BARD1: variants seen among roughly 807,000 people sequenced by gnomAD.
The protein encoded by BARD1 is BRCA1-associated RING domain protein 1.
In BARD1, 73 loss-of-function variants were observed where a neutral mutation model predicts 77.0. The ratio of observed to expected loss-of-function variants is 0.95; its 90% confidence interval spans 0.79 to 1.15. The LOEUF (loss-of-function observed/expected upper bound fraction) is 1.15, where lower values mean the gene tolerates loss of function less well. BARD1 is among the 50% of genes most tolerant of loss of function. The pLI is 0.00. For missense variants in BARD1, 993 were observed against 938.8 expected (o/e 1.06, Z -0.75); for synonymous variants, 384 against 338.0 (o/e 1.14, Z -1.49).
chr2:214,736,324 G>A (rs936563248), intron 9 of BARD1, among the ~76,000 whole-genome samples: 8 of 152,054 alleles, frequency 5.3e-5, no homozygotes, highest in African/African-American at 1.9e-4. Context: ...CAGGAATCCA[G>A]TGAAATGGTT....
chr2:214,805,750 T>TC (rs1306027368), intron 1 of BARD1, among the ~76,000 whole-genome samples: 1 of 151,354 alleles, frequency 6.6e-6, no homozygotes, highest in Non-Finnish European at 1.5e-5. Context: ...CTTGATCATC[T>TC]CCTAAACAAG....
At chr2:214,729,305 A>G (rs1017604842) in intron 10 of BARD1, among the ~76,000 whole-genome samples, 3 of 152,214 alleles carry the variant, frequency 2.0e-5, no homozygotes, top group African/African-American at 7.2e-5. Context: ...ATGAAACAAA[A>G]TTTTGACTGT....
Position 214,780,770 on chromosome 2 carries a change from G to A in BARD1, c.1104C>T (p.Cys368=), listed in dbSNP as rs371147849. Residue 368 remains cysteine, a synonymous_variant, in exon 4 of 11, where the codon TGC becomes TGT. Coordinates refer to ENST00000260947, the MANE Select transcript of BARD1 (RefSeq NM_000465.4). ...CTGATGTACCACCAACTTTACGTTTGCATGAAGGTGGTGAAGAACATTCAG... is the reference window on the plus strand; with the variant it reads ...CTGATGTACCACCAACTTTACGTTTACATGAAGGTGGTGAAGAACATTCAG... ...PLPECSSPPS[C]KRKVGGTSGR... The A allele has an allele frequency of 6.2e-7, 1 of 1,614,034 alleles. No homozygotes were observed. Among genetic ancestry groups the A allele is most frequent in the Non-Finnish European group, 8.5e-7 (1 of 1,179,982 alleles).
At chr2:214,756,398 C>T (rs6731308) in intron 6 of BARD1, among the ~76,000 whole-genome samples, 81,472 of 152,078 alleles carry the variant, frequency 0.54, 22,061 homozygotes, top group Non-Finnish European at 0.57. Context: ...TAAACTAGTA[C>T]AACCACTATG....
intron 1 of BARD1, among the ~76,000 whole-genome samples, chr2:214,807,572 A>G (rs1335217401): frequency 6.6e-6 from 1 of 152,194 alleles, no homozygotes; most frequent in African/African-American, 2.4e-5. Context: ...TTTCTTCCAT[A>G]AAAGCTCCCT....
intron 6 of BARD1, among the ~76,000 whole-genome samples, chr2:214,759,627 TAG>T (rs955632542): frequency 6.6e-6 from 1 of 152,170 alleles, no homozygotes; most frequent in African/African-American, 2.4e-5. Flanking sequence ...GCCAGAATAT[TAG>T]AGTTAAATCA....
intron 9 of BARD1, among the ~76,000 whole-genome samples, chr2:214,739,109 A>G (rs1361013418): frequency 6.6e-6 from 1 of 152,160 alleles, no homozygotes; most frequent in Non-Finnish European, 1.5e-5. Flanking sequence ...TGATTGCACC[A>G]CTGCAGTCCA....
chr2:214,778,229 AT>A (rs1465852351), intron 4 of BARD1, among the ~76,000 whole-genome samples: 2 of 138,946 alleles, frequency 1.4e-5, no homozygotes, highest in African/African-American at 5.3e-5. Flanking sequence ...AAAGAAAAAA[AT>A]ATATAAATAT....
chr2:214,799,170 G>A (rs984536114), intron 1 of BARD1, among the ~76,000 whole-genome samples: 11 of 152,076 alleles, frequency 7.2e-5, no homozygotes, highest in Admixed American at 7.2e-4. Flanking sequence ...GCATGGTAGT[G>A]CACGCCTGTA....
At chr2:214,792,516 T>C in intron 2 of BARD1, 71 bp from the exon 3 acceptor site, 2 of 1,404,230 alleles carry the variant, frequency 1.4e-6, no homozygotes, top group Non-Finnish European at 1.9e-6. Flanking sequence ...ACTAAACAGT[T>C]TGAACAGAAA....
intron 6 of BARD1, among the ~76,000 whole-genome samples, chr2:214,754,160 G>C (rs1044283534): frequency 1.3e-5 from 2 of 151,662 alleles, no homozygotes; most frequent in Admixed American, 6.6e-5. Flanking sequence ...TCAAAAAATA[G>C]AAATCTGAGT....
chr2:214,770,781 T>C (rs144632204), intron 4 of BARD1, among the ~76,000 whole-genome samples: 104 of 151,076 alleles, frequency 6.9e-4, no homozygotes, highest in African/African-American at 2.5e-3. Context: ...AGGTAGACTG[T>C]GGCAAAGGAG....
At chr2:214,762,301 T>C (rs1266664541) in intron 6 of BARD1, among the ~76,000 whole-genome samples, 1 of 152,210 alleles carries the variant, frequency 6.6e-6, no homozygotes, top group Non-Finnish European at 1.5e-5. Context: ...TCTCATTACG[T>C]ATATGCAAAT....
chr2:214,767,979 GAA>G lies in BARD1; in HGVS notation c.1396-327_1396-326del, dbSNP rs11427475. On this transcript the variant is annotated intron_variant, in intron 5 of 10. Coordinates refer to ENST00000260947, the MANE Select transcript of BARD1 (RefSeq NM_000465.4). Reference sequence around the variant, plus strand: ...TTCTACAATAAATGTAACACATTAAGAAAAAAGTCTACATATTTAATAACAAG... The same window carrying G: ...TTCTACAATAAATGTAACACATTAAGAAAAGTCTACATATTTAATAACAAG... 4.0e-5 allele frequency among the ~76,000 whole-genome samples: 6 copies of G among 151,790 alleles called. No individual in the cohort carries two copies. In the East Asian group the frequency reaches 1.2e-3, roughly 29 times the overall value.
intron 4 of BARD1, among the ~76,000 whole-genome samples, chr2:214,777,050 C>A (rs913684063): frequency 6.6e-6 from 1 of 152,050 alleles, no homozygotes; most frequent in East Asian, 1.9e-4. Context: ...ACCATCCAAG[C>A]AAAAATGAAA....
In BARD1 at chr2:214,797,182, A is replaced by G. The variant is rs113582954; in HGVS notation, c.159-65T>C. 8 of 1,275,240 alleles carry G rather than the reference A, an allele frequency of 6.3e-6. No individual in the cohort carries two copies. The highest frequency in any genetic ancestry group is 4.4e-5 in the African/African-American group (3 of 68,106). The allele number at this position is 1,275,240 out of a possible 1,614,324, so 79.0% of individuals were successfully genotyped here. On this transcript the variant is annotated intron_variant, in intron 1 of 10. Transcript: ENST00000260947. ...GTTAGATAAACATCTCACACCCAATATTTCATCCAAGGCCCAACACTACCA... is the reference window on the plus strand; with the variant it reads ...GTTAGATAAACATCTCACACCCAATGTTTCATCCAAGGCCCAACACTACCA...
chr2:214,797,794 T>C (rs1695825136), intron 1 of BARD1, among the ~76,000 whole-genome samples: 1 of 152,200 alleles, frequency 6.6e-6, no homozygotes, highest in South Asian at 2.1e-4. Context: ...TAAGCAAATG[T>C]AAACAGAAAT....
intron 9 of BARD1, among the ~76,000 whole-genome samples, chr2:214,737,729 T>G (rs1692630020): frequency 6.6e-6 from 1 of 152,210 alleles, no homozygotes. Context: ...AAACATTACT[T>G]AATTAACCCA....
At chr2:214,766,288 A>C (rs1694191238) in intron 6 of BARD1, among the ~76,000 whole-genome samples, 1 of 152,184 alleles carries the variant, frequency 6.6e-6, no homozygotes. Context: ...TGATGTAAAA[A>C]ATTTAAGAAA....
Sources: allele counts gnomAD v4.1 joint callset (sites outside exome capture counted in the v4.1 genomes callset), GRCh38; gene constraint gnomAD v4.1.1; transcripts MANE v1.5; gene names NCBI Gene and HGNC (gene_info 2026-07-23, HGNC 2026-07-21).